The following DNAJB4 variants were observed in gnomAD, a reference collection of about 807,000 sequenced individuals.
DNAJB4 encodes dnaJ homolog subfamily B member 4.
DNAJB4 carries 10 observed loss-of-function variants against 26.6 expected under a neutral mutation model. The observed-to-expected ratio is 0.38, with a 90% CI of 0.23 to 0.64. DNAJB4 has a LOEUF of 0.64. Among genes scored for constraint, DNAJB4 ranks in the 30% least tolerant of loss-of-function variants. DNAJB4 has a pLI of 0.58. For synonymous variants in DNAJB4, 136 were observed against 134.8 expected, an observed-to-expected ratio of 1.01 and a Z score of -0.06; for missense variants, 328 against 408.2, an observed-to-expected ratio of 0.80 and a Z score of 1.69.
chr1:78,010,797 T>G (rs1329838264), intron 1 of DNAJB4, among the ~76,000 whole-genome samples: 1 of 152,188 alleles, frequency 6.6e-6, no homozygotes, highest in East Asian at 1.9e-4. Context: ...TATGTGTGAT[T>G]ATATTTTACA....
intron 1 of DNAJB4, among the ~76,000 whole-genome samples, chr1:77,985,937 G>C (rs985673071): frequency 2.6e-5 from 4 of 152,126 alleles, no homozygotes; most frequent in African/African-American, 9.7e-5. Context: ...ACTTTGCAGA[G>C]ACTCCCTATT....
chr1:78,001,422 C>T (rs993372106), upstream of DNAJB4, among the ~76,000 whole-genome samples: 4 of 151,844 alleles, frequency 2.6e-5, no homozygotes, highest in Admixed American at 2.0e-4. Context: ...TTCACAGGTG[C>T]GATGGTAAAA....
intron 1 of DNAJB4, among the ~76,000 whole-genome samples, chr1:77,991,117 AG>A (rs1165070133): frequency 6.6e-6 from 1 of 152,322 alleles, no homozygotes; most frequent in Admixed American, 6.5e-5. Context: ...GAAGTAAGCT[AG>A]GTGAAGGGCT....
chr1:78,010,912 G>A lies in DNAJB4; in HGVS notation c.212-2139G>A, dbSNP rs182808302. On this transcript the variant is annotated intron_variant, in intron 1 of 2. Transcript: ENST00000370763. ...TTAGTTCATTCCCTTCATTCACTAA[G>A]CATGAATACCTACCATTTTCAGCCC... Among the ~76,000 whole-genome samples the A allele has an allele frequency of 2.6e-3, 401 of 152,178 alleles. 2 individuals carry two copies. The highest frequency in any genetic ancestry group is 0.014 in the Middle Eastern group (4 of 294).
At chr1:77,997,458 T>G (rs1660090193) in intron 1 of DNAJB4, among the ~76,000 whole-genome samples, 1 of 151,974 alleles carries the variant, frequency 6.6e-6, no homozygotes, top group African/African-American at 2.4e-5. Flanking sequence ...CAGCGATCTG[T>G]GACAATGCCA....
At position 78,012,032 on chromosome 1, in the gene DNAJB4, T is replaced by A. The variant is rs1439327327; in HGVS notation, c.212-1019T>A. Among the ~76,000 whole-genome samples, 3 of 149,186 alleles carry A rather than the reference T, an allele frequency of 2.0e-5. No homozygotes were observed. In the South Asian group the frequency reaches 6.3e-4, roughly 31 times the overall value. ...CACTTTGTGTTGATTGCTGAAGACC[T>A]TCCAACTGACATCTTTTAAAAACTT... On this transcript the variant is annotated intron_variant, in intron 1 of 2. Coordinates refer to ENST00000370763, the MANE Select transcript of DNAJB4 (RefSeq NM_007034.5).
chr1:77,999,542 ATC>A (rs1448993295), intron 1 of DNAJB4, among the ~76,000 whole-genome samples: 21 of 152,208 alleles, frequency 1.4e-4, no homozygotes, highest in Non-Finnish European at 1.5e-5. Flanking sequence ...TTGGGGGTGA[ATC>A]TGGTAGTTAC....
At chr1:77,988,329 A>G (rs984051600) in intron 1 of DNAJB4, among the ~76,000 whole-genome samples, 1 of 151,964 alleles carries the variant, frequency 6.6e-6, no homozygotes, top group African/African-American at 2.4e-5. Context: ...ATCAGTTCTT[A>G]TTGGTCTTCC....
rs1320513477 is a variant in DNAJB4, at chr1:78,017,329, CTGTTTTA to C, written c.*1084_*1090del. On this transcript the variant is annotated 3_prime_UTR_variant, in exon 3 of 3. Transcript: ENST00000370763. ...TGTTTTAAAAATTTAGTTTTGTTTT[CTGTTTTA>C]TAACTATAGTGAGAATGATGTTTTG... 1 of 151,302 alleles carries C rather than the reference CTGTTTTA, an allele frequency of 6.6e-6. No individual in the cohort carries two copies. Among genetic ancestry groups the C allele is most frequent in the Non-Finnish European group, 1.5e-5 (1 of 67,718 alleles). 9.4% of individuals were successfully genotyped at this position (151,302 alleles called of 1,614,324 possible).
intron 1 of DNAJB4, among the ~76,000 whole-genome samples, chr1:78,006,621 A>G (rs1210521074): frequency 1.3e-5 from 2 of 152,162 alleles, no homozygotes; most frequent in African/African-American, 2.4e-5. Context: ...GAGTTGCCCA[A>G]AATTGAAGTT....
chr1:77,980,335 ATATATGTGTGTGTGTG>A (rs970984438), intron 1 of DNAJB4: 7 of 123,780 alleles, frequency 5.7e-5, no homozygotes, highest in African/African-American at 2.6e-4. Context: ...ATATATATAT[ATATATGTGTGTGTGTG>A]TGTGTGTGTG....
chr1:78,016,003 G>A lies in DNAJB4; in HGVS notation c.781-11G>A, dbSNP rs368100484. The A allele has an allele frequency of 6.2e-7, 1 of 1,605,428 alleles. No homozygotes were observed. Among genetic ancestry groups the A allele is most frequent in the Non-Finnish European group, 8.5e-7 (1 of 1,175,268 alleles). On this transcript the variant is annotated splice_polypyrimidine_tract_variant and intron_variant, in intron 2 of 2. Coordinates refer to ENST00000370763, the MANE Select transcript of DNAJB4 (RefSeq NM_007034.5). ...AAGTGTTTTCATTTTATTTTATTTG[G>A]TCCATTTTAGGCATTGTGTGGCTGC...
intron 2 of DNAJB4, among the ~76,000 whole-genome samples, chr1:78,014,707 TCTC>T (rs1391241165): frequency 6.6e-6 from 1 of 151,956 alleles, no homozygotes; most frequent in African/African-American, 2.4e-5. Flanking sequence ...TTCAAGTAAT[TCTC>T]CTGCCTCAGG....
In DNAJB4 at chr1:78,016,381, G is replaced by C; in HGVS notation, c.*134G>C. The C allele has an allele frequency of 1.4e-6, 1 of 710,482 alleles. No individual in the cohort carries two copies. The highest frequency in any genetic ancestry group is 2.2e-6 in the Non-Finnish European group (1 of 444,806). The allele number at this position is 710,482 out of a possible 1,614,324, so 44.0% of individuals were successfully genotyped here. On this transcript the variant is annotated 3_prime_UTR_variant, in exon 3 of 3. Coordinates refer to ENST00000370763, the MANE Select transcript of DNAJB4 (RefSeq NM_007034.5). ...GAGGGTTCATTAAATTGCATGAATA[G>C]AGACGGGTCAAATAAATAGGCAAAA...
intron 1 of DNAJB4, among the ~76,000 whole-genome samples, chr1:77,999,543 T>A (rs1660142439): frequency 6.6e-6 from 1 of 151,916 alleles, no homozygotes. Context: ...TGGGGGTGAA[T>A]CTGGTAGTTA....
intron 1 of DNAJB4, among the ~76,000 whole-genome samples, 172 bp downstream of exon 1, chr1:78,005,493 T>C (rs916057533): frequency 6.6e-6 from 1 of 152,200 alleles, no homozygotes; most frequent in Admixed American, 6.5e-5. Flanking sequence ...AGGTTTCATC[T>C]CTGATCATAT....
intron 1 of DNAJB4, among the ~76,000 whole-genome samples, chr1:77,994,127 C>T (rs1311342918): frequency 1.3e-5 from 2 of 152,116 alleles, no homozygotes; most frequent in Non-Finnish European, 2.9e-5. Context: ...AGAGGCCAGG[C>T]ACAATGGCTC....
chr1:78,005,840 G>A (rs1272482515), intron 1 of DNAJB4, among the ~76,000 whole-genome samples: 1 of 152,188 alleles, frequency 6.6e-6, no homozygotes, highest in African/African-American at 2.4e-5. Context: ...GACTGAACAA[G>A]ACAGAGTTGT....
In DNAJB4 at chr1:78,013,358, T is replaced by C. The variant is rs1271351094; in HGVS notation, c.519T>C (p.Ser173=). 5 of 1,614,206 alleles carry C rather than the reference T, an allele frequency of 3.1e-6. No individual in the cohort carries two copies. The highest frequency in any genetic ancestry group is 4.2e-6 in the Non-Finnish European group (5 of 1,180,034). The part of the protein sequence containing the change: ...ELRVSLEEIY[S]GCTKRMKISR... ...GAGTATCACTTGAAGAGATATATAG[T>C]GGTTGTACCAAACGGATGAAGATTT... The change falls in exon 2 of 3, where the codon AGT becomes AGC. Residue 173 remains serine, a synonymous_variant. Coordinates refer to ENST00000370763, the MANE Select transcript of DNAJB4 (RefSeq NM_007034.5).
Sources: allele counts gnomAD v4.1 joint callset (sites outside exome capture counted in the v4.1 genomes callset), GRCh38; gene constraint gnomAD v4.1.1; transcripts MANE v1.5; gene names NCBI Gene and HGNC (gene_info 2026-07-23, HGNC 2026-07-21).